DENND1A: variants seen among roughly 807,000 people sequenced by gnomAD.
DENND1A encodes the protein DENN domain-containing protein 1A.
DENND1A carries 51 observed loss-of-function variants against 113.7 expected under a neutral mutation model. That is an observed-to-expected ratio of 0.45 (90% confidence interval 0.36 to 0.57). The LOEUF is 0.57. DENND1A is among the 20% of genes least tolerant of loss of function. The pLI is 0.00. For missense variants in DENND1A, 1,258 were observed against 1,395.9 expected, an observed-to-expected ratio of 0.90 and a Z score of 1.57; for synonymous variants, 565 against 570.8, an observed-to-expected ratio of 0.99 and a Z score of 0.14.
chr9:123,666,227 T>A (rs1362682406), intron 8 of DENND1A, among the ~76,000 whole-genome samples: 1 of 152,250 alleles, frequency 6.6e-6, no homozygotes, highest in African/African-American at 2.4e-5. Context: ...ACCACAATTT[T>A]AAAAAAGTAA....
At chr9:123,911,754 G>C (rs965992724) in intron 1 of DENND1A, among the ~76,000 whole-genome samples, 1 of 151,422 alleles carries the variant, frequency 6.6e-6, no homozygotes, top group Non-Finnish European at 1.5e-5. Context: ...GCAGTGGTGC[G>C]ATCTTGGCTC....
chr9:123,878,232 G>A (rs1847807368), intron 2 of DENND1A, among the ~76,000 whole-genome samples: 2 of 151,862 alleles, frequency 1.3e-5, no homozygotes, highest in Non-Finnish European at 2.9e-5. Context: ...ATTATTATAT[G>A]CAGGTGTTTT....
At chr9:123,810,919 C>T (rs1260784176) in intron 2 of DENND1A, among the ~76,000 whole-genome samples, 3 of 152,070 alleles carry the variant, frequency 2.0e-5, no homozygotes, top group Non-Finnish European at 2.9e-5. Flanking sequence ...CCACCACGCC[C>T]GGCTAATTTT....
At chr9:123,730,546 C>T (rs7466910) in intron 5 of DENND1A, among the ~76,000 whole-genome samples, 9 of 152,110 alleles carry the variant, frequency 5.9e-5, no homozygotes, top group Admixed American at 4.6e-4. Flanking sequence ...CAAATCAAAA[C>T]GACAATGAGA....
intron 19 of DENND1A, among the ~76,000 whole-genome samples, chr9:123,437,032 GTGACTA>G (rs1259195568): frequency 2.6e-5 from 4 of 152,186 alleles, no homozygotes; most frequent in African/African-American, 9.7e-5. Flanking sequence ...TGACTATGAA[GTGACTA>G]TGACTATGAA....
intron 22 of DENND1A, among the ~76,000 whole-genome samples, chr9:123,384,960 C>G (rs2042479380): frequency 6.6e-6 from 1 of 151,894 alleles, no homozygotes; most frequent in African/African-American, 2.4e-5. Flanking sequence ...AACAAAAAAG[C>G]AAAAAACAAA....
chr9:123,674,985 A>C (rs1037105743), intron 6 of DENND1A, among the ~76,000 whole-genome samples: 1 of 152,144 alleles, frequency 6.6e-6, no homozygotes, highest in Non-Finnish European at 1.5e-5. Flanking sequence ...TGAATGTTTG[A>C]CTAAAGGTAA....
chr9:123,752,902 T>A (rs2070186452), intron 5 of DENND1A, among the ~76,000 whole-genome samples: 1 of 152,362 alleles, frequency 6.6e-6, no homozygotes, highest in South Asian at 2.1e-4. Flanking sequence ...CTGGTGTTTT[T>A]AATTTAGTAT....
intron 12 of DENND1A, among the ~76,000 whole-genome samples, chr9:123,580,413 T>G (rs190717852): frequency 6.6e-6 from 1 of 152,268 alleles, no homozygotes; most frequent in South Asian, 2.1e-4. Context: ...AGATATGTAA[T>G]TGACATATCT....
rs1159862037 is a variant in DENND1A at position 123,725,007 on chromosome 9, G to C, written c.302+32696C>G. Reference sequence around the variant, plus strand: ...GCATCTTCAGGAAAATTCTTAGCAAGAGAAATTCAAAAGCAACTCTTACTC... The same window carrying C: ...GCATCTTCAGGAAAATTCTTAGCAACAGAAATTCAAAAGCAACTCTTACTC... On this transcript the variant is annotated intron_variant, in intron 5 of 23. Transcript: ENST00000394215. Among the ~76,000 whole-genome samples the C allele has an allele frequency of 3.5e-4, 53 of 152,166 alleles. 1 individual carries two copies. Among genetic ancestry groups the C allele is most frequent in the Admixed American group, 3.3e-3 (51 of 15,284 alleles).
At chr9:123,865,670 T>G (rs1307882936) in intron 2 of DENND1A, among the ~76,000 whole-genome samples, 2 of 152,234 alleles carry the variant, frequency 1.3e-5, no homozygotes, top group Non-Finnish European at 2.9e-5. Context: ...GCTTAATTCT[T>G]TAAATACTGT....
At chr9:123,723,897 T>A (rs1044663608) in intron 5 of DENND1A, among the ~76,000 whole-genome samples, 5 of 152,208 alleles carry the variant, frequency 3.3e-5, no homozygotes, top group African/African-American at 1.2e-4. Context: ...GGACATGTCA[T>A]CTCTCTGACT....
intron 13 of DENND1A, among the ~76,000 whole-genome samples, chr9:123,550,255 G>GGCTGCTT (rs1231490883): frequency 1.3e-5 from 2 of 152,226 alleles, no homozygotes; most frequent in Non-Finnish European, 2.9e-5. Context: ...GCTGGCTGCT[G>GGCTGCTT]CCTGTTTAAA....
chr9:123,820,573 C>T (rs1838293381), intron 2 of DENND1A, among the ~76,000 whole-genome samples: 1 of 152,154 alleles, frequency 6.6e-6, no homozygotes, highest in African/African-American at 2.4e-5. Flanking sequence ...TGGAGCAGAA[C>T]CACCCAAGGT....
At chr9:123,424,200 A>G (rs2045537617) in intron 19 of DENND1A, among the ~76,000 whole-genome samples, 1 of 152,122 alleles carries the variant, frequency 6.6e-6, no homozygotes, top group African/African-American at 2.4e-5. Flanking sequence ...AGAAACTTCT[A>G]GTCTGGGTTG....
intron 1 of DENND1A, among the ~76,000 whole-genome samples, chr9:123,886,763 T>A (rs1182871366): frequency 1.3e-5 from 2 of 152,166 alleles, no homozygotes; most frequent in East Asian, 3.9e-4. Flanking sequence ...CATAACAAGT[T>A]AACACCTCCA....
rs185551671 is a variant in DENND1A at position 123,909,960 on chromosome 9, C to A, written c.17+19929G>T. 2.0e-5 allele frequency among the ~76,000 whole-genome samples: 3 copies of A among 151,790 alleles called. No individual in the cohort carries two copies. In the East Asian group the frequency reaches 5.8e-4, roughly 29 times the overall value. ...TATGGGAAAAAAAATCAAAGAACTA[C>A]AAATAAATCTAACAAAAGATGTTCA... On this transcript the variant is annotated intron_variant, in intron 1 of 23. Transcript: ENST00000394215.
At chr9:123,579,986 A>T (rs2058812324) in intron 12 of DENND1A, among the ~76,000 whole-genome samples, 1 of 152,192 alleles carries the variant, frequency 6.6e-6, no homozygotes, top group Admixed American at 6.5e-5. Flanking sequence ...CCATTTGTGC[A>T]CGCTGAGACT....
rs79235981 is a variant in DENND1A, at chr9:123,420,961, G to A, written c.1489-9132C>T. On this transcript the variant is annotated intron_variant, in intron 19 of 23. Coordinates refer to ENST00000394215, the MANE Select transcript of DENND1A (RefSeq NM_001352964.2). ...AATAGGTGGCATCCCATTGGTGGCC[G>A]GAGGTCGGGCACCAGATGCGGCTGG... 3.1e-3 allele frequency among the ~76,000 whole-genome samples: 470 copies of A among 151,410 alleles called. 11 individuals are homozygous for A. Among genetic ancestry groups the A allele is most frequent in the Admixed American group, 0.024 (361 of 15,170 alleles).
Sources: allele counts gnomAD v4.1 joint callset (sites outside exome capture counted in the v4.1 genomes callset), GRCh38; gene constraint gnomAD v4.1.1; transcripts MANE v1.5; gene names NCBI Gene and HGNC (gene_info 2026-07-23, HGNC 2026-07-21).